The following GRK5 variants were observed in gnomAD, a reference collection of about 807,000 sequenced individuals.
GRK5 encodes g protein-coupled receptor kinase GRK5.
A neutral mutation model predicts 78.4 loss-of-function variants in GRK5; 40 were observed. The ratio of observed to expected loss-of-function variants is 0.51; its 90% confidence interval spans 0.40 to 0.66. The LOEUF (loss-of-function observed/expected upper bound fraction) is 0.66, where lower values mean the gene tolerates loss of function less well. Among genes scored for constraint, GRK5 ranks in the 30% least tolerant of loss-of-function variants. GRK5 has a pLI of 0.00. For synonymous variants in GRK5, 289 were observed against 296.8 expected (o/e 0.97, Z 0.27); for missense variants, 598 against 759.9 (o/e 0.79, Z 2.50).
chr10:119,320,330 A>G (rs1850563302), intron 1 of GRK5, among the ~76,000 whole-genome samples: 1 of 152,246 alleles, frequency 6.6e-6, no homozygotes, highest in Non-Finnish European at 1.5e-5. Flanking sequence ...GAGACTGATG[A>G]CGGGCAAGGA....
chr10:119,358,826 C>T (rs146886763), intron 2 of GRK5, among the ~76,000 whole-genome samples: 3 of 152,302 alleles, frequency 2.0e-5, no homozygotes, highest in Non-Finnish European at 2.9e-5. Flanking sequence ...AGTTCAAGAT[C>T]CAGGTGCCTC....
At chr10:119,397,047 C>T (rs553329869) in intron 4 of GRK5, among the ~76,000 whole-genome samples, 4 of 152,330 alleles carry the variant, frequency 2.6e-5, no homozygotes, top group Non-Finnish European at 4.4e-5. Flanking sequence ...TGCTGTGTGC[C>T]CACACCCAAC....
intron 1 of GRK5, among the ~76,000 whole-genome samples, chr10:119,304,581 G>T (rs766829646): frequency 6.6e-6 from 1 of 152,170 alleles, no homozygotes; most frequent in Non-Finnish European, 1.5e-5. Flanking sequence ...AGAAACTGAG[G>T]CTCAAAGAGC....
chr10:119,322,621 C>G (rs1850605365), intron 1 of GRK5, among the ~76,000 whole-genome samples: 1 of 152,188 alleles, frequency 6.6e-6, no homozygotes, highest in Non-Finnish European at 1.5e-5. Context: ...AAAATAGACT[C>G]CTGGGTTCCA....
At chr10:119,301,124 C>T (rs1390849350) in intron 1 of GRK5, among the ~76,000 whole-genome samples, 1 of 151,760 alleles carries the variant, frequency 6.6e-6, no homozygotes, top group Non-Finnish European at 1.5e-5. Flanking sequence ...AAAAAAAGTG[C>T]AGAACCCATA....
At chr10:119,426,765 C>T (rs1488206053) in intron 6 of GRK5, among the ~76,000 whole-genome samples, 3 of 151,874 alleles carry the variant, frequency 2.0e-5, no homozygotes, top group Non-Finnish European at 4.4e-5. Context: ...TCACCATCAT[C>T]ATCAGTATAC....
chr10:119,422,587 T>G (rs1852592934), intron 4 of GRK5, among the ~76,000 whole-genome samples: 1 of 152,238 alleles, frequency 6.6e-6, no homozygotes, highest in Non-Finnish European at 1.5e-5. Flanking sequence ...TCCTCCCTCC[T>G]GAGCCTTCCT....
intron 4 of GRK5, among the ~76,000 whole-genome samples, chr10:119,418,721 C>A (rs76128317): frequency 1.6e-4 from 24 of 152,318 alleles, no homozygotes; most frequent in Admixed American, 1.0e-3. Context: ...TTCAAAGGAA[C>A]CTTGGTGCCC....
intron 1 of GRK5, among the ~76,000 whole-genome samples, chr10:119,208,257 G>A (rs1044316586): frequency 1.3e-5 from 2 of 152,238 alleles, no homozygotes; most frequent in African/African-American, 4.8e-5. Context: ...GCTGTTGAAA[G>A]GTCAGTTGGA....
intron 4 of GRK5, among the ~76,000 whole-genome samples, chr10:119,417,976 AC>A (rs761576256): frequency 6.6e-6 from 1 of 152,174 alleles, no homozygotes; most frequent in Non-Finnish European, 1.5e-5. Context: ...GATCCCCAGA[AC>A]CAGTGGCATA....
intron 5 of GRK5, among the ~76,000 whole-genome samples, chr10:119,424,247 G>A (rs1381780084): frequency 6.6e-6 from 1 of 152,142 alleles, no homozygotes; most frequent in East Asian, 1.9e-4. Flanking sequence ...GGTTTGGCAG[G>A]ACACAGACTC....
intron 1 of GRK5, among the ~76,000 whole-genome samples, chr10:119,261,161 G>C (rs1489380844): frequency 2.0e-5 from 3 of 150,106 alleles, no homozygotes; most frequent in Non-Finnish European, 3.0e-5. Context: ...GCCGGGCGGA[G>C]AGGCTCCTCA....
At chr10:119,444,431 C>A (rs969482205) in intron 12 of GRK5, among the ~76,000 whole-genome samples, 2 of 152,146 alleles carry the variant, frequency 1.3e-5, no homozygotes, top group African/African-American at 4.8e-5. Context: ...TGCCACTGGG[C>A]CGCCCCATGC....
chr10:119,424,633 G>A (rs1378452773), intron 5 of GRK5, among the ~76,000 whole-genome samples: 1 of 140,412 alleles, frequency 7.1e-6, no homozygotes, highest in African/African-American at 2.7e-5. Flanking sequence ...TTTTTAGAGA[G>A]ACCCCTCTAC....
intron 2 of GRK5, among the ~76,000 whole-genome samples, chr10:119,367,216 G>A (rs1303140867): frequency 2.0e-5 from 3 of 152,146 alleles, no homozygotes; most frequent in Non-Finnish European, 1.5e-5. Flanking sequence ...CGAAAATCCC[G>A]ACACCACGAG....
chr10:119,272,590 AAAAG>A (rs1405615249), intron 1 of GRK5, among the ~76,000 whole-genome samples: 3,660 of 137,000 alleles, frequency 0.027, 541 homozygotes, highest in African/African-American at 0.069. Context: ...AAAAAAAAAA[AAAAG>A]AAAGAAAGAA....
chr10:119,453,794 C>T (rs1853344047), intron 15 of GRK5, among the ~76,000 whole-genome samples: 1 of 152,170 alleles, frequency 6.6e-6, no homozygotes, highest in African/African-American at 2.4e-5. Flanking sequence ...AGAAGCTGAC[C>T]CCACAGAACC....
chr10:119,442,142 C>T (rs952325215), intron 11 of GRK5, 54 bp downstream of exon 11: 60 of 1,464,856 alleles, frequency 4.1e-5, no homozygotes, highest in Non-Finnish European at 5.2e-5. Context: ...ACCTGCTCAC[C>T]GCCGGCCGAG....
intron 3 of GRK5, among the ~76,000 whole-genome samples, chr10:119,391,006 T>G (rs1216896361): frequency 1.3e-5 from 2 of 151,874 alleles, no homozygotes; most frequent in Non-Finnish European, 3.0e-5. Context: ...CCCTCCTGCC[T>G]TCTCTTCAGT....
Sources: gnomAD v4.1 joint callset for allele counts (sites outside exome capture counted in the v4.1 genomes callset) on GRCh38, gnomAD v4.1.1 for gene constraint, MANE v1.5 for transcripts, NCBI Gene and HGNC (gene_info 2026-07-23, HGNC 2026-07-21) for gene names.